Variants in GRHL2 observed in about 807,000 individuals in gnomAD.
The protein encoded by GRHL2 is grainyhead like transcription factor 2.
Under a neutral mutation model 83.8 loss-of-function variants are expected in GRHL2, and 21 were observed. The observed-to-expected ratio is 0.25, with a 90% CI of 0.18 to 0.36. The LOEUF is 0.36. Ranked by LOEUF, GRHL2 falls within the 10% of genes least tolerant of loss-of-function variation. The pLI is 1.00. For synonymous variants in GRHL2, 280 were observed against 278.9 expected (o/e 1.00, Z -0.04); for missense variants, 623 against 781.8 (o/e 0.80, Z 2.42).
chr8:101,632,128 A>C, intron 10 of GRHL2, 98 bp from the exon 11 acceptor site: 1 of 1,304,202 alleles, frequency 7.7e-7, no homozygotes, highest in Non-Finnish European at 1.1e-6. Context: ...GTATTCAGAA[A>C]GCTTCATATG....
chr8:101,585,156 C>T (rs529164602), intron 7 of GRHL2, among the ~76,000 whole-genome samples: 18 of 152,334 alleles, frequency 1.2e-4, no homozygotes, highest in African/African-American at 3.8e-4. Flanking sequence ...ACCAGCAACT[C>T]CCCACTTTCT....
chr8:101,558,227 G>A (rs1205507386), intron 3 of GRHL2, among the ~76,000 whole-genome samples, 192 bp from the exon 4 acceptor site: 3 of 152,120 alleles, frequency 2.0e-5, no homozygotes, highest in Non-Finnish European at 4.4e-5. Flanking sequence ...ACCAGGGGGC[G>A]CATGGCTCAC....
intron 7 of GRHL2, among the ~76,000 whole-genome samples, chr8:101,579,332 G>T (rs1025070652): frequency 2.0e-5 from 3 of 152,150 alleles, no homozygotes; most frequent in Non-Finnish European, 2.9e-5. Flanking sequence ...TTGTTACAGG[G>T]TTTACTTTTC....
At chr8:101,639,954 T>C (rs944888059) in intron 12 of GRHL2, among the ~76,000 whole-genome samples, 1 of 152,210 alleles carries the variant, frequency 6.6e-6, no homozygotes, top group Non-Finnish European at 1.5e-5. Context: ...ATGACCAGAC[T>C]GAGGATATAA....
Position 101,543,217 on chromosome 8 carries a change from C to T in GRHL2, c.21-24C>T, listed in dbSNP as rs73701923. 2.1e-3 allele frequency: 3,332 copies of T among 1,599,380 alleles called. 61 individuals carry two copies. In the African/African-American group the frequency reaches 0.038, roughly 18 times the overall value. On this transcript the variant is annotated intron_variant, in intron 1 of 15. Transcript: ENST00000646743. ...AAATTTGCTCTCTCTGAAAATGAAC[C>T]TCACATTTCTCTTGTTTTTACAGTA...
At chr8:101,676,558 A>T in the GRHL2 span, among the ~76,000 whole-genome samples, 1 of 152,188 alleles carries the variant, frequency 6.6e-6, no homozygotes, top group African/African-American at 2.4e-5. Flanking sequence ...AAGTCAGGAA[A>T]CAACAGGTGC....
chr8:101,677,508 T>C, the GRHL2 span, among the ~76,000 whole-genome samples: 1 of 101,554 alleles, frequency 9.8e-6, no homozygotes, highest in African/African-American at 4.0e-5. Context: ...CCAAATAAAG[T>C]GATTAAATAC....
chr8:101,630,200 C>G (rs758921705), intron 9 of GRHL2, among the ~76,000 whole-genome samples: 11 of 152,134 alleles, frequency 7.2e-5, no homozygotes, highest in Non-Finnish European at 1.3e-4. Flanking sequence ...TTTTGTGAAG[C>G]CTTCATTGAC....
At chr8:101,596,535 C>A (rs1812395025) in intron 7 of GRHL2, among the ~76,000 whole-genome samples, 1 of 152,106 alleles carries the variant, frequency 6.6e-6, no homozygotes, top group Non-Finnish European at 1.5e-5. Context: ...CTGGCCAAGA[C>A]AAGCAAAATA....
chr8:101,538,177 C>T (rs1301124357), intron 1 of GRHL2, among the ~76,000 whole-genome samples: 1 of 152,170 alleles, frequency 6.6e-6, no homozygotes. Context: ...CTGCACATAT[C>T]TTTAGACGGG....
At chr8:101,570,228 ATAACT>A (rs1811794488) in intron 4 of GRHL2, 106 bp from the exon 5 acceptor site, 2 of 933,470 alleles carry the variant, frequency 2.1e-6, no homozygotes, top group Admixed American at 1.8e-5. Flanking sequence ...TATCAAATAC[ATAACT>A]TTATTTTCTA....
chr8:101,509,080 T>C (rs951384686), intron 1 of GRHL2, among the ~76,000 whole-genome samples: 2 of 151,884 alleles, frequency 1.3e-5, no homozygotes, highest in African/African-American at 4.8e-5. Context: ...TCCCTGTTTG[T>C]TTGTTTTCCT....
chr8:101,531,287 A>G (rs79410000), intron 1 of GRHL2, among the ~76,000 whole-genome samples: 1 of 151,608 alleles, frequency 6.6e-6, no homozygotes, highest in African/African-American at 2.4e-5. Context: ...GCTGACTGCT[A>G]CCTGAACCTG....
At chr8:101,642,320 A>G (rs1010747081) in intron 12 of GRHL2, among the ~76,000 whole-genome samples, 3 of 152,240 alleles carry the variant, frequency 2.0e-5, no homozygotes, top group African/African-American at 7.2e-5. Context: ...AGAGTTTGTC[A>G]TGGTTCAGAA....
chr8:101,536,401 T>C (rs545181295), intron 1 of GRHL2, among the ~76,000 whole-genome samples: 89 of 152,280 alleles, frequency 5.8e-4, no homozygotes, highest in African/African-American at 1.3e-3. Context: ...ATGTAAGGGA[T>C]AAAGAGAAAG....
At chr8:101,526,420 T>C (rs1237595103) in intron 1 of GRHL2, among the ~76,000 whole-genome samples, 1 of 152,078 alleles carries the variant, frequency 6.6e-6, no homozygotes, top group East Asian at 1.9e-4. Context: ...ATGTGCTTCA[T>C]GATACATTAG....
At chr8:101,548,216 T>C (rs1362703783) in intron 2 of GRHL2, among the ~76,000 whole-genome samples, 2 of 152,168 alleles carry the variant, frequency 1.3e-5, no homozygotes, top group East Asian at 1.9e-4. Context: ...ACTAAGTAGA[T>C]ATGACCTCCC....
downstream of GRHL2, among the ~76,000 whole-genome samples, chr8:101,673,251 A>C (rs565089855): frequency 6.6e-6 from 1 of 152,282 alleles, no homozygotes; most frequent in Admixed American, 6.5e-5. Flanking sequence ...TAAAAGACAC[A>C]GACTGGCAAA....
At chr8:101,509,903 A>G (rs1810429544) in intron 1 of GRHL2, among the ~76,000 whole-genome samples, 1 of 152,212 alleles carries the variant, frequency 6.6e-6, no homozygotes, top group African/African-American at 2.4e-5. Flanking sequence ...CAAGCAACAA[A>G]TAATGGTTCT....
Sources: gnomAD v4.1 joint callset for allele counts (sites outside exome capture counted in the v4.1 genomes callset) on GRCh38, gnomAD v4.1.1 for gene constraint, MANE v1.5 for transcripts, NCBI Gene and HGNC (gene_info 2026-07-23, HGNC 2026-07-21) for gene names.